RGS5: variants seen among roughly 807,000 people sequenced by gnomAD.
The protein encoded by RGS5 is regulator of G protein signaling 5.
In RGS5, 20 loss-of-function variants were observed where a neutral mutation model predicts 18.9. That is an observed-to-expected ratio of 1.06 (90% CI 0.74 to 1.54). The LOEUF (loss-of-function observed/expected upper bound fraction) is 1.54, where lower values mean the gene tolerates loss of function less well. Ranked by LOEUF, RGS5 falls within the 40% of genes most tolerant of loss-of-function variation. The pLI is 0.00. For synonymous variants in RGS5, 57 were observed against 76.2 expected, an observed-to-expected ratio of 0.75 and a Z score of 1.31; for missense variants, 201 against 211.8, an observed-to-expected ratio of 0.95 and a Z score of 0.32.
At chr1:163,161,525 A>C (rs1657796707) in intron 3 of RGS5, 1 of 174,002 alleles carries the variant, frequency 5.7e-6, no homozygotes, top group African/African-American at 2.4e-5. Context: ...ATGACTTGTT[A>C]GCGATCTTTA....
chr1:163,234,599 A>G (rs1647572043), intron 2 of RGS5, among the ~76,000 whole-genome samples: 1 of 152,174 alleles, frequency 6.6e-6, no homozygotes, highest in Non-Finnish European at 1.5e-5. Context: ...ATTCCTCCAT[A>G]AAGATCATAG....
At chr1:163,163,709 T>C (rs935638019) in intron 2 of RGS5, among the ~76,000 whole-genome samples, 1 of 152,236 alleles carries the variant, frequency 6.6e-6, no homozygotes, top group Non-Finnish European at 1.5e-5. Context: ...GTAGGTTCAA[T>C]ATTTTGCACA....
chr1:163,212,765 A>G (rs1660134978), intron 1 of RGS5: 1 of 152,090 alleles, frequency 6.6e-6, no homozygotes, highest in African/African-American at 2.4e-5. Flanking sequence ...CTCTCCTCCA[A>G]TATACTATTA....
chr1:163,256,993 TTCA>T (rs1286257609), intron 2 of RGS5, among the ~76,000 whole-genome samples: 1 of 152,316 alleles, frequency 6.6e-6, no homozygotes, highest in African/African-American at 2.4e-5. Flanking sequence ...AAATTTCTTT[TTCA>T]TCATAATAAT....
chr1:163,258,883 C>T (rs576984276), intron 2 of RGS5, among the ~76,000 whole-genome samples: 63 of 152,018 alleles, frequency 4.1e-4, no homozygotes, highest in African/African-American at 1.3e-3. Flanking sequence ...CATTATGTTG[C>T]GCAGGCTGGT....
chr1:163,247,629 T>C (rs1326522034), intron 2 of RGS5, among the ~76,000 whole-genome samples: 3 of 151,318 alleles, frequency 2.0e-5, no homozygotes, highest in Non-Finnish European at 4.4e-5. Context: ...ATAGGATAGG[T>C]ATAGGTTTTA....
chr1:163,301,909 G>T (rs897909001), intron 2 of RGS5, among the ~76,000 whole-genome samples: 1 of 151,776 alleles, frequency 6.6e-6, no homozygotes, highest in East Asian at 1.9e-4. Context: ...TTTCAATTAG[G>T]AAGAAAATCT....
intron 2 of RGS5, among the ~76,000 whole-genome samples, chr1:163,240,487 T>C (rs1571312823): frequency 6.7e-6 from 1 of 149,654 alleles, no homozygotes; most frequent in Non-Finnish European, 1.5e-5. Context: ...TGACTGGAAG[T>C]GGAAATGAAG....
At chr1:163,186,355 C>T (rs558695216) in intron 1 of RGS5, among the ~76,000 whole-genome samples, 4 of 152,070 alleles carry the variant, frequency 2.6e-5, no homozygotes, top group Non-Finnish European at 5.9e-5. Flanking sequence ...AGGCATGAGC[C>T]ACTGCGCCCA....
intron 1 of RGS5, among the ~76,000 whole-genome samples, chr1:163,318,217 G>C (rs1377029582): frequency 6.6e-6 from 1 of 152,152 alleles, no homozygotes; most frequent in East Asian, 1.9e-4. Flanking sequence ...AGATGGTACT[G>C]GAAAGGGAAA....
chr1:163,176,635 A>G (rs1234056943), intron 1 of RGS5, among the ~76,000 whole-genome samples: 5 of 146,532 alleles, frequency 3.4e-5, no homozygotes, highest in African/African-American at 1.2e-4. Flanking sequence ...AAAAAAAAAG[A>G]AAAGAAAAAA....
intron 1 of RGS5, among the ~76,000 whole-genome samples, chr1:163,317,847 CTTTT>C (rs908637407): frequency 6.9e-6 from 1 of 144,650 alleles, no homozygotes; most frequent in Non-Finnish European, 1.5e-5. Context: ...ACTGAACTGC[CTTTT>C]TTTTTTTCTT....
chr1:163,170,194 C>T (rs6693754), intron 1 of RGS5, among the ~76,000 whole-genome samples: 79,731 of 151,978 alleles, frequency 0.52, 21,915 homozygotes, highest in South Asian at 0.67. Context: ...AGACAGGGTT[C>T]ATCATATTGC....
At chr1:163,209,507 A>T (rs1262101850) in intron 1 of RGS5, among the ~76,000 whole-genome samples, 3 of 152,180 alleles carry the variant, frequency 2.0e-5, no homozygotes, top group Non-Finnish European at 4.4e-5. Context: ...CTATCCCAAG[A>T]CAGGAATATC....
In RGS5 at chr1:163,186,529, A is replaced by G. The variant is rs1435791394; in HGVS notation, c.44+16263T>C. Among the ~76,000 whole-genome samples, 8 of 145,084 alleles carry G rather than the reference A, an allele frequency of 5.5e-5. No individual in the cohort carries two copies. In the South Asian group the frequency reaches 1.4e-3, roughly 25 times the overall value. ...GGGAGGCAGAGCTTGCAGTGAGCCG[A>G]GATCACACCACTGCACTCCAGCCTG... On this transcript the variant is annotated intron_variant, in intron 1 of 4. Coordinates refer to ENST00000313961, the MANE Select transcript of RGS5 (RefSeq NM_003617.4).
chr1:163,193,641 T>C (rs1027492348), intron 1 of RGS5, among the ~76,000 whole-genome samples: 1 of 152,154 alleles, frequency 6.6e-6, no homozygotes, highest in Non-Finnish European at 1.5e-5. Context: ...ATGTTCCTAA[T>C]CTGGTTGGAA....
chr1:163,292,920 C>A (rs1323605102), intron 2 of RGS5, among the ~76,000 whole-genome samples: 1 of 152,056 alleles, frequency 6.6e-6, no homozygotes, highest in Admixed American at 6.6e-5. Flanking sequence ...GATATTAGAC[C>A]TTTGTCGAAT....
At chr1:163,261,296 T>C (rs1206520222) in intron 2 of RGS5, among the ~76,000 whole-genome samples, 2 of 152,158 alleles carry the variant, frequency 1.3e-5, no homozygotes, top group Non-Finnish European at 2.9e-5. Context: ...GTGGCTCTTC[T>C]AGGTATGGCA....
intron 1 of RGS5, among the ~76,000 whole-genome samples, chr1:163,175,989 T>G (rs1658541042): frequency 6.6e-6 from 1 of 152,206 alleles, no homozygotes; most frequent in Non-Finnish European, 1.5e-5. Flanking sequence ...AGGCTTTCAC[T>G]CATATTAGTG....
Sources: gnomAD v4.1 joint callset for allele counts (sites outside exome capture counted in the v4.1 genomes callset) on GRCh38, gnomAD v4.1.1 for gene constraint, MANE v1.5 for transcripts, NCBI Gene and HGNC (gene_info 2026-07-23, HGNC 2026-07-21) for gene names.